HTR7: variants seen among roughly 807,000 people sequenced by gnomAD.
HTR7 encodes 5-hydroxytryptamine receptor 7, also known as 5-HT-7.
Under a neutral mutation model 34.0 loss-of-function variants are expected in HTR7, and 16 were observed. The ratio of observed to expected loss-of-function variants is 0.47; its 90% CI spans 0.32 to 0.71. HTR7 has a LOEUF of 0.71. Among genes scored for constraint, HTR7 ranks in the 30% least tolerant of loss-of-function variants. The pLI, the probability that HTR7 is intolerant of heterozygous loss-of-function variation, is 0.04. For missense variants in HTR7, 504 were observed against 625.5 expected (o/e 0.81, Z 2.07); for synonymous variants, 265 against 260.2 (o/e 1.02, Z -0.18).
At chr10:90,815,879 T>C (rs58118540) in intron 1 of HTR7, among the ~76,000 whole-genome samples, 9,090 of 152,230 alleles carry the variant, frequency 0.06, 411 homozygotes, top group East Asian at 0.17. Context: ...TTGGCAAAAG[T>C]CTGTGAGCAC....
chr10:90,821,933 G>A (rs955449364), intron 1 of HTR7, among the ~76,000 whole-genome samples: 1 of 152,110 alleles, frequency 6.6e-6, no homozygotes, highest in African/African-American at 2.4e-5. Context: ...GTTTCCTGAG[G>A]CCTCCCCAGC....
At chr10:90,768,047 C>T (rs969598312) in intron 1 of HTR7, among the ~76,000 whole-genome samples, 10 of 152,134 alleles carry the variant, frequency 6.6e-5, no homozygotes, top group Admixed American at 1.3e-4. Flanking sequence ...GGCACCATCT[C>T]GACATGTCCA....
chr10:90,800,125 G>A (rs866258546), intron 1 of HTR7, among the ~76,000 whole-genome samples: 1 of 152,204 alleles, frequency 6.6e-6, no homozygotes, highest in South Asian at 2.1e-4. Flanking sequence ...ACTCACTAGA[G>A]TGGCTATAAT....
At chr10:90,793,504 T>A (rs1845491046) in intron 1 of HTR7, among the ~76,000 whole-genome samples, 1 of 145,276 alleles carries the variant, frequency 6.9e-6, no homozygotes, top group Non-Finnish European at 1.5e-5. Flanking sequence ...AAATTTAATA[T>A]TATTTTTAAA....
chr10:90,799,089 T>C (rs1255953902), intron 1 of HTR7, among the ~76,000 whole-genome samples: 1 of 152,096 alleles, frequency 6.6e-6, no homozygotes, highest in Non-Finnish European at 1.5e-5. Context: ...ACTTAATGGA[T>C]CAGCTGGCAC....
intron 1 of HTR7, among the ~76,000 whole-genome samples, chr10:90,778,540 C>T (rs1845256847): frequency 6.6e-6 from 1 of 152,172 alleles, no homozygotes; most frequent in Admixed American, 6.5e-5. Flanking sequence ...CATTCCTTTT[C>T]CTCATAAATT....
chr10:90,786,929 C>T (rs886143754), intron 1 of HTR7, among the ~76,000 whole-genome samples: 4 of 152,110 alleles, frequency 2.6e-5, no homozygotes, highest in Non-Finnish European at 2.9e-5. Flanking sequence ...TCATCGTCTG[C>T]GTTACTGCAT....
intron 1 of HTR7, among the ~76,000 whole-genome samples, chr10:90,816,727 C>T (rs914875269): frequency 5.9e-5 from 9 of 152,130 alleles, no homozygotes; most frequent in East Asian, 1.9e-4. Context: ...GATATCCCAC[C>T]GGGCCTGATC....
chr10:90,750,887 T>G (rs1446532914), intron 1 of HTR7, among the ~76,000 whole-genome samples: 2 of 152,186 alleles, frequency 1.3e-5, no homozygotes, highest in African/African-American at 2.4e-5. Context: ...TTTCCTTCAA[T>G]AAGTATTAAT....
intron 1 of HTR7, among the ~76,000 whole-genome samples, chr10:90,822,679 T>C (rs777265076): frequency 2.0e-4 from 31 of 152,346 alleles, no homozygotes; most frequent in Admixed American, 6.5e-4. Flanking sequence ...ATGGGGAATA[T>C]GCCCCTAGGG....
chr10:90,747,008 C>G (rs919349021), intron 2 of HTR7, among the ~76,000 whole-genome samples: 3 of 152,214 alleles, frequency 2.0e-5, no homozygotes, highest in Admixed American at 1.3e-4. Context: ...TGCCTATATA[C>G]TGAAGTCACT....
intron 1 of HTR7, among the ~76,000 whole-genome samples, chr10:90,806,834 C>T (rs780699380): frequency 1.3e-5 from 2 of 151,854 alleles, no homozygotes; most frequent in East Asian, 1.9e-4. Flanking sequence ...CTTGGCCAAA[C>T]CAAGTTCTGA....
intron 1 of HTR7, among the ~76,000 whole-genome samples, chr10:90,786,561 C>T (rs1845383819): frequency 6.6e-6 from 1 of 152,184 alleles, no homozygotes; most frequent in Non-Finnish European, 1.5e-5. Flanking sequence ...AGTTTAACTT[C>T]TCTTATTCTT....
chr10:90,826,681 T>A (rs1187374426), intron 1 of HTR7, among the ~76,000 whole-genome samples: 1 of 152,172 alleles, frequency 6.6e-6, no homozygotes, highest in Non-Finnish European at 1.5e-5. Context: ...AATACTGGGG[T>A]AATCCCAGCA....
In HTR7 at chr10:90,857,363, C is replaced by T. The variant is rs1489955325; in HGVS notation, c.309G>A (p.Val103=). The T allele has an allele frequency of 6.2e-7, 1 of 1,614,104 alleles. No individual in the cohort carries two copies. ...GCTTCTTGACGAAGCACACGGAGAT[C>T]ACCACCAGGCAGTTGCCCGCGATCG... ...LLTIAGNCLV[V]ISVCFVKKLR... Residue 103 remains valine (V), a synonymous_variant, in exon 1 of 4, where the codon GTG becomes GTA. Transcript: ENST00000336152. The surrounding 1 kb of genome is among the most constrained non-coding windows in gnomAD (Gnocchi z 6.5).
chr10:90,787,920 T>C (rs1163671589), intron 1 of HTR7, among the ~76,000 whole-genome samples: 1 of 151,910 alleles, frequency 6.6e-6, no homozygotes. Context: ...ACAATAAGAG[T>C]ATATTCTCCC....
chr10:90,781,390 G>A (rs1391350218), intron 1 of HTR7, among the ~76,000 whole-genome samples: 2 of 152,078 alleles, frequency 1.3e-5, no homozygotes, highest in South Asian at 2.1e-4. Flanking sequence ...ACTTTTTAAA[G>A]TTTTACTTTT....
At chr10:90,802,996 CTTT>C (rs35715510) in intron 1 of HTR7, among the ~76,000 whole-genome samples, 2 of 89,010 alleles carry the variant, frequency 2.2e-5, no homozygotes, top group African/African-American at 4.4e-5. Flanking sequence ...CATTTGTGGC[CTTT>C]TTTTTTTTTT....
chr10:90,761,700 A>G (rs185664079), intron 1 of HTR7, among the ~76,000 whole-genome samples: 1 of 151,880 alleles, frequency 6.6e-6, no homozygotes, highest in East Asian at 1.9e-4. Context: ...TCAAGTATAC[A>G]ATACACTATT....
Sources: gnomAD v4.1 joint callset for allele counts (sites outside exome capture counted in the v4.1 genomes callset) on GRCh38, gnomAD v4.1.1 for gene constraint, Gnocchi (gnomAD v3.1) non-coding constraint, MANE v1.5 for transcripts, NCBI Gene and HGNC (gene_info 2026-07-23, HGNC 2026-07-21) for gene names.